The following SLC10A7 variants were observed in gnomAD, a reference collection of about 807,000 sequenced individuals.
SLC10A7 encodes sodium/bile acid cotransporter 7.
A neutral mutation model predicts 43.2 loss-of-function variants in SLC10A7; 29 were observed. The observed-to-expected ratio is 0.67, with a 90% CI of 0.50 to 0.92. SLC10A7 has a LOEUF of 0.92. SLC10A7 is among the 40% of genes least tolerant of loss of function. SLC10A7 has a pLI of 0.00. For synonymous variants in SLC10A7, 152 were observed against 144.8 expected, an observed-to-expected ratio of 1.05 and a Z score of -0.35; for missense variants, 295 against 403.2, an observed-to-expected ratio of 0.73 and a Z score of 2.30.
intron 5 of SLC10A7, among the ~76,000 whole-genome samples, chr4:146,396,671 A>G (rs1307201287): frequency 6.6e-6 from 1 of 152,144 alleles, no homozygotes; most frequent in African/African-American, 2.4e-5. Context: ...TTATGTACCA[A>G]ATTTTTAAAT....
intron 4 of SLC10A7, among the ~76,000 whole-genome samples, chr4:146,483,068 T>C (rs1008235604): frequency 7.9e-5 from 12 of 152,202 alleles, no homozygotes; most frequent in African/African-American, 2.7e-4. Flanking sequence ...CCACTAGGCC[T>C]GTCTTACAAG....
chr4:146,431,602 G>T (rs1025301455), intron 5 of SLC10A7, among the ~76,000 whole-genome samples: 1 of 151,998 alleles, frequency 6.6e-6, no homozygotes, highest in Non-Finnish European at 1.5e-5. Context: ...CACACGAAAA[G>T]TAATGAACAC....
intron 10 of SLC10A7, 111 bp from the exon 11 acceptor site, chr4:146,258,948 A>C: frequency 3.5e-5 from 41 of 1,184,536 alleles, no homozygotes; most frequent in Non-Finnish European, 4.1e-5. Flanking sequence ...ATATTTTCTC[A>C]TGTTTATTCA....
At chr4:146,474,608 T>A (rs968537326) in intron 4 of SLC10A7, among the ~76,000 whole-genome samples, 2 of 152,128 alleles carry the variant, frequency 1.3e-5, no homozygotes. Flanking sequence ...CTTATGCAGC[T>A]AGAATAATTT....
At chr4:146,422,695 TG>T (rs1311244431) in intron 5 of SLC10A7, among the ~76,000 whole-genome samples, 1 of 152,164 alleles carries the variant, frequency 6.6e-6, no homozygotes, top group Non-Finnish European at 1.5e-5. Flanking sequence ...TACTGTATTT[TG>T]TCTACAATGT....
intron 9 of SLC10A7, among the ~76,000 whole-genome samples, chr4:146,284,272 T>C (rs1729738934): frequency 6.6e-6 from 1 of 152,160 alleles, no homozygotes; most frequent in African/African-American, 2.4e-5. Context: ...TCTATACAGT[T>C]GCAGATATAA....
intron 5 of SLC10A7, among the ~76,000 whole-genome samples, chr4:146,429,150 G>A (rs566560199): frequency 1.4e-3 from 209 of 152,184 alleles, no homozygotes; most frequent in Admixed American, 3.5e-3. Flanking sequence ...GCTACAGCAA[G>A]TTTTATTGAG....
At chr4:146,310,793 G>T (rs1731921918) in intron 6 of SLC10A7, among the ~76,000 whole-genome samples, 1 of 152,052 alleles carries the variant, frequency 6.6e-6, no homozygotes, top group African/African-American at 2.4e-5. Flanking sequence ...AATTGACAGA[G>T]ACAGAATCTA....
chr4:146,296,779 C>A (rs530188079), intron 7 of SLC10A7, among the ~76,000 whole-genome samples: 1 of 152,052 alleles, frequency 6.6e-6, no homozygotes, highest in Admixed American at 6.5e-5. Flanking sequence ...GCTAGAAAGG[C>A]GTTAAAATGT....
rs116983413 is a variant in SLC10A7 at position 146,349,493 on chromosome 4, C to A, written c.436-23497G>T. ...AAAGCAGAACTACCATTCAACTCAG[C>A]CAATCCCATTACTGGGCATACATCC... is the stretch of plus-strand genomic sequence containing the variant. On this transcript the variant is annotated intron_variant, in intron 5 of 11. Coordinates refer to ENST00000335472, the MANE Select transcript of SLC10A7 (RefSeq NM_001029998.6). Among the ~76,000 whole-genome samples the A allele has an allele frequency of 5.8e-4, 88 of 152,266 alleles. No individual in the cohort carries two copies. The East Asian group carries it at 0.016, about 27-fold the overall frequency.
At chr4:146,285,264 G>C (rs1292866600) in intron 9 of SLC10A7, among the ~76,000 whole-genome samples, 3 of 152,176 alleles carry the variant, frequency 2.0e-5, no homozygotes, top group Non-Finnish European at 4.4e-5. Flanking sequence ...ACAGCATGGT[G>C]TAAGACTAAA....
At chr4:146,279,013 C>T (rs908921506) in intron 10 of SLC10A7, among the ~76,000 whole-genome samples, 15 of 152,116 alleles carry the variant, frequency 9.9e-5, no homozygotes, top group African/African-American at 3.6e-4. Context: ...TGCCTTTGTA[C>T]ACAAATGTCT....
intron 5 of SLC10A7, among the ~76,000 whole-genome samples, chr4:146,339,863 GGTT>G (rs1342278511): frequency 6.7e-6 from 1 of 148,846 alleles, no homozygotes; most frequent in Non-Finnish European, 1.5e-5. Flanking sequence ...GGGATGTGCA[GGTT>G]TGTTACATAG....
intron 5 of SLC10A7, among the ~76,000 whole-genome samples, chr4:146,385,949 A>G (rs1737963552): frequency 6.6e-6 from 1 of 152,168 alleles, no homozygotes; most frequent in African/African-American, 2.4e-5. Flanking sequence ...TCCATAGTGT[A>G]TATGTACCAC....
At chr4:146,490,248 T>C (rs1476550622) in intron 4 of SLC10A7, among the ~76,000 whole-genome samples, 1 of 152,080 alleles carries the variant, frequency 6.6e-6, no homozygotes, top group Admixed American at 6.6e-5. Context: ...ATATCAAACT[T>C]CAGAGGAACA....
intron 5 of SLC10A7, among the ~76,000 whole-genome samples, chr4:146,366,159 T>A (rs2149771096): frequency 6.6e-6 from 1 of 152,254 alleles, no homozygotes; most frequent in South Asian, 2.1e-4. Context: ...GCCAAAAAGG[T>A]TGGGAACCAC....
At chr4:146,286,562 C>CTTGTGTTTG (rs1729974228) in intron 9 of SLC10A7, among the ~76,000 whole-genome samples, 10 of 10,456 alleles carry the variant, frequency 9.6e-4, no homozygotes, top group Admixed American at 3.6e-3. Context: ...GACTGTGTTT[C>CTTGTGTTTG]GAGTGGTGAG....
intron 6 of SLC10A7, among the ~76,000 whole-genome samples, chr4:146,309,037 T>C (rs983667366): frequency 1.3e-5 from 2 of 152,138 alleles, no homozygotes; most frequent in African/African-American, 2.4e-5. Flanking sequence ...CTGAGGTCGG[T>C]GTGCACGCCT....
chr4:146,433,490 G>A (rs75904434), intron 5 of SLC10A7, among the ~76,000 whole-genome samples: 3,987 of 152,120 alleles, frequency 0.026, 165 homozygotes, highest in African/African-American at 0.088. Flanking sequence ...ATATCAGTTT[G>A]CTAAAGCTTT....
Sources: gnomAD v4.1 joint callset for allele counts (sites outside exome capture counted in the v4.1 genomes callset) on GRCh38, gnomAD v4.1.1 for gene constraint, MANE v1.5 for transcripts, NCBI Gene and HGNC (gene_info 2026-07-23, HGNC 2026-07-21) for gene names.